ATF7IP2: variants seen among roughly 807,000 people sequenced by gnomAD.
ATF7IP2 encodes the protein activating transcription factor 7 interacting protein 2, also known as activating transcription factor 7-interacting protein 2.
In ATF7IP2, 42 loss-of-function variants were observed where a neutral mutation model predicts 64.2. The observed-to-expected ratio is 0.65, with a 90% confidence interval of 0.51 to 0.85. The LOEUF (loss-of-function observed/expected upper bound fraction) is 0.85. ATF7IP2 is among the 40% of genes least tolerant of loss of function. The probability of loss-of-function intolerance (pLI) is 0.00; values close to 1 mark genes in which losing one functional copy is unlikely to be tolerated. For missense variants in ATF7IP2, 933 were observed against 784.2 expected (o/e 1.19, Z -2.27); for synonymous variants, 308 against 272.8 (o/e 1.13, Z -1.27).
chr16:10,470,168 ACT>A (rs1038541372), intron 9 of ATF7IP2, among the ~76,000 whole-genome samples: 3 of 152,122 alleles, frequency 2.0e-5, no homozygotes, highest in Non-Finnish European at 2.9e-5. Flanking sequence ...CACACAACAC[ACT>A]CTATATAGAA....
chr16:10,473,503 A>T lies in ATF7IP2; in HGVS notation c.1451A>T (p.Asn484Ile). The change falls in exon 11 of 14, where the codon AAT becomes ATT. Residue 484 changes from asparagine to isoleucine, a missense_variant. Physicochemically the swap from Asn to Ile is moderately radical, Grantham distance 149. Transcript: ENST00000562102. ...GATACCAGAAAAATTACATCAGGAA[A>T]TTCTAGCAATTCTCCCAATGCTGAA... ...PTDTRKITSGNSSNSPNAEVM... is the reference protein window; with the variant it reads ...PTDTRKITSGISSNSPNAEVM... 6.4e-7 allele frequency: 1 copy of T among 1,571,014 alleles called. No homozygotes were observed. Among genetic ancestry groups the T allele is most frequent in the Non-Finnish European group, 8.7e-7 (1 of 1,145,648 alleles).
In ATF7IP2 at chr16:10,431,250, T is replaced by A. The variant is rs1479558889; in HGVS notation, c.630T>A (p.His210Gln). ...HLETNSNSES[H>Q]DKRQSDNILC... ...AAACAAACTCCAATTCAGAATCACA[T>A]GATAAAAGGCAAAGTGACAACATTT... is the stretch of plus-strand genomic sequence containing the variant. The change falls in exon 5 of 14, where the codon CAT becomes CAA. Residue 210 changes from histidine (H) to glutamine (Q), a missense_variant. Physicochemically the swap from His to Gln is conservative, Grantham distance 24. Coordinates refer to ENST00000562102, the MANE Select transcript of ATF7IP2 (RefSeq NM_001393719.1). The A allele has an allele frequency of 3.1e-6, 5 of 1,614,178 alleles. No homozygotes were observed. The highest frequency in any genetic ancestry group is 4.2e-6 in the Non-Finnish European group (5 of 1,180,012).
chr16:10,392,226 A>T (rs931457936), intron 1 of ATF7IP2, among the ~76,000 whole-genome samples: 1 of 151,616 alleles, frequency 6.6e-6, no homozygotes, highest in African/African-American at 2.4e-5. Context: ...CTTAGTAGAA[A>T]TGGGGTTTCG....
chr16:10,419,739 GTA>G (rs2047954465), intron 3 of ATF7IP2, 116 bp downstream of exon 3: 1 of 152,298 alleles, frequency 6.6e-6, no homozygotes, highest in South Asian at 2.1e-4. Flanking sequence ...CTCTTCCGGA[GTA>G]TCTGGCTCAT....
intron 8 of ATF7IP2, among the ~76,000 whole-genome samples, chr16:10,454,571 T>C (rs984109401): frequency 6.6e-6 from 1 of 150,438 alleles, no homozygotes; most frequent in African/African-American, 2.5e-5. Flanking sequence ...ATTTGTTTTC[T>C]TTATTTTGAT....
At chr16:10,477,490 G>A (rs865850761) in intron 12 of ATF7IP2, among the ~76,000 whole-genome samples, 1 of 152,076 alleles carries the variant, frequency 6.6e-6, no homozygotes, top group Non-Finnish European at 1.5e-5. Context: ...AATAATAAGA[G>A]CTATCTATGA....
At chr16:10,419,240 T>G (rs868028759) in intron 2 of ATF7IP2, among the ~76,000 whole-genome samples, 1 of 152,260 alleles carries the variant, frequency 6.6e-6, no homozygotes, top group Middle Eastern at 3.4e-3. Flanking sequence ...CAGCCAAGAT[T>G]GATAGTGAGG....
intron 1 of ATF7IP2, among the ~76,000 whole-genome samples, chr16:10,411,613 C>G (rs1290555386): frequency 2.6e-5 from 4 of 152,116 alleles, no homozygotes; most frequent in Admixed American, 6.5e-5. Flanking sequence ...TGGTGATCCA[C>G]CCACCTTGGT....
Position 10,472,106 on chromosome 16 carries a change from T to A in ATF7IP2, c.1353-4T>A. On this transcript the variant is annotated splice_polypyrimidine_tract_variant and splice_region_variant and intron_variant, in intron 9 of 13. Coordinates refer to ENST00000562102, the MANE Select transcript of ATF7IP2 (RefSeq NM_001393719.1). ...TTGTTTTTAATTTCTTTTTATCATTTTAGTAACAATGATGATGTTATGTTG... is the reference window on the plus strand; with the variant it reads ...TTGTTTTTAATTTCTTTTTATCATTATAGTAACAATGATGATGTTATGTTG... The A allele has an allele frequency of 6.6e-7, 1 of 1,504,552 alleles. No homozygotes were observed. Among genetic ancestry groups the A allele is most frequent in the African/African-American group, 1.4e-5 (1 of 71,940 alleles). 93.2% of individuals were successfully genotyped at this position (1,504,552 alleles called of 1,614,324 possible).
intron 1 of ATF7IP2, 117 bp downstream of exon 1, chr16:10,386,239 C>A (rs1163623219): frequency 6.6e-6 from 1 of 152,218 alleles, no homozygotes. Flanking sequence ...GCCGGGCCTA[C>A]CGGACGTTTG....
At chr16:10,423,328 C>G (rs2048023196) in intron 3 of ATF7IP2, among the ~76,000 whole-genome samples, 1 of 152,206 alleles carries the variant, frequency 6.6e-6, no homozygotes, top group African/African-American at 2.4e-5. Flanking sequence ...CAGCAACATT[C>G]TTGAACAGTC....
At chr16:10,402,455 A>G (rs2047553890) in intron 1 of ATF7IP2, among the ~76,000 whole-genome samples, 1 of 151,664 alleles carries the variant, frequency 6.6e-6, no homozygotes, top group Non-Finnish European at 1.5e-5. Context: ...TATGATTTTG[A>G]TTTTTCCTTT....
chr16:10,436,518 G>A (rs1025382669), intron 6 of ATF7IP2, among the ~76,000 whole-genome samples: 8 of 152,030 alleles, frequency 5.3e-5, no homozygotes, highest in African/African-American at 1.9e-4. Context: ...AAGCATTAGA[G>A]AAGAGATCAA....
intron 1 of ATF7IP2, among the ~76,000 whole-genome samples, chr16:10,412,792 T>C (rs1332640132): frequency 1.3e-5 from 2 of 152,192 alleles, no homozygotes; most frequent in Non-Finnish European, 2.9e-5. Context: ...CCCACTATTA[T>C]TGTGTTGCTG....
chr16:10,463,064 T>C (rs1241767725), intron 9 of ATF7IP2, among the ~76,000 whole-genome samples: 1 of 152,244 alleles, frequency 6.6e-6, no homozygotes, highest in Admixed American at 6.5e-5. Flanking sequence ...TTGTACATTT[T>C]AGTCACTAAG....
At chr16:10,438,274 A>G (rs768894508) in intron 7 of ATF7IP2, 39 bp downstream of exon 7, 3 of 1,574,452 alleles carry the variant, frequency 1.9e-6, no homozygotes, top group Non-Finnish European at 2.6e-6. Context: ...TTAGGGGAGT[A>G]GGGGGTGTTG....
At position 10,405,190 on chromosome 16, in the gene ATF7IP2, C is replaced by T. The variant is rs147832555; in HGVS notation, c.-241-9384C>T. 3.4e-3 allele frequency among the ~76,000 whole-genome samples: 523 copies of T among 151,672 alleles called. 1 individual carries two copies. Among genetic ancestry groups the T allele is most frequent in the African/African-American group, 0.012 (506 of 41,354 alleles). The stretch of plus-strand genomic sequence containing the variant: ...CCAGCCTGGCCAACATGGTGAAACC[C>T]GGTCTCTACTAAAAAAAAAAAATAC... On this transcript the variant is annotated intron_variant, in intron 1 of 13. Transcript: ENST00000562102.
At chr16:10,416,460 G>A (rs1320131503) in intron 2 of ATF7IP2, among the ~76,000 whole-genome samples, 1 of 152,130 alleles carries the variant, frequency 6.6e-6, no homozygotes, top group East Asian at 1.9e-4. Flanking sequence ...GGTATTTTGT[G>A]TTGGGGAAGA....
intron 1 of ATF7IP2, among the ~76,000 whole-genome samples, chr16:10,407,695 A>G (rs1257151968): frequency 1.3e-5 from 2 of 152,168 alleles, no homozygotes; most frequent in African/African-American, 2.4e-5. Context: ...ACTCGGTTAC[A>G]TAAGTTCTTT....
Sources: gnomAD v4.1 joint callset for allele counts (sites outside exome capture counted in the v4.1 genomes callset) on GRCh38, gnomAD v4.1.1 for gene constraint, MANE v1.5 for transcripts, NCBI Gene and HGNC (gene_info 2026-07-23, HGNC 2026-07-21) for gene names.